The following RAC1 variants were observed in gnomAD, a reference collection of about 807,000 sequenced individuals.
The protein encoded by RAC1 is ras-related C3 botulinum toxin substrate 1.
In RAC1, 2 loss-of-function variants were observed where a neutral mutation model predicts 25.2. The observed-to-expected ratio is 0.08, with a 90% confidence interval of 0.03 to 0.25. The LOEUF is 0.25. Ranked by LOEUF, RAC1 falls within the 10% of genes least tolerant of loss-of-function variation. RAC1 has a pLI of 1.00. For synonymous variants in RAC1, 88 were observed against 94.0 expected (o/e 0.94, Z 0.37); for missense variants, 50 against 235.7 (o/e 0.21, Z 5.16).
intron 2 of RAC1, 86 bp downstream of exon 2, chr7:6,387,369 T>A (rs1285633155): frequency 1.1e-6 from 1 of 935,942 alleles, no homozygotes; most frequent in African/African-American, 1.7e-5. Context: ...AAGCCATCTT[T>A]AATCCTCATA....
chr7:6,390,173 C>T (rs564544483), intron 2 of RAC1, among the ~76,000 whole-genome samples: 2 of 146,334 alleles, frequency 1.4e-5, no homozygotes, highest in Non-Finnish European at 3.0e-5. Flanking sequence ...GTCCTTCCAC[C>T]TCAGCCTATT....
intron 3 of RAC1, among the ~76,000 whole-genome samples, chr7:6,394,954 A>G (rs1014161865): frequency 1.9e-4 from 29 of 152,206 alleles, no homozygotes; most frequent in African/African-American, 7.0e-4. Flanking sequence ...TCCTGGGTTC[A>G]CGCCATTCTC....
At chr7:6,376,678 T>G (rs927461720) in intron 1 of RAC1, among the ~76,000 whole-genome samples, 6 of 148,814 alleles carry the variant, frequency 4.0e-5, no homozygotes, top group South Asian at 2.1e-4. Context: ...ATTTGTTTTT[T>G]TTTTTTTTTT....
intron 3 of RAC1, chr7:6,398,803 C>A (rs369189453): frequency 1.6e-6 from 2 of 1,263,190 alleles, no homozygotes; most frequent in African/African-American, 1.5e-5. Context: ...TTTTATTAAG[C>A]CTCAAGCTCC....
In RAC1 at chr7:6,378,341, C is replaced by T. The variant is rs570231508; in HGVS notation, c.35+3571C>T. Among the ~76,000 whole-genome samples the T allele has an allele frequency of 1.0e-4, 15 of 150,180 alleles. 1 individual carries two copies. The South Asian group carries it at 1.3e-3, about 13-fold the overall frequency. On this transcript the variant is annotated intron_variant, in intron 1 of 5. Transcript: ENST00000348035. ...CAGGCGGATCACCTGAGGTCAGGAG[C>T]TCGAGACCAGCCTGGCCAACATGGC...
At chr7:6,402,241 C>T (rs2115217997) in intron 5 of RAC1, 75 bp from the exon 6 acceptor site, 1 of 1,526,202 alleles carries the variant, frequency 6.6e-7, no homozygotes, top group South Asian at 1.3e-5. Context: ...GCCCCAGGAG[C>T]TGCCTCCCGC....
chr7:6,378,486 C>G (rs1043164091), intron 1 of RAC1, among the ~76,000 whole-genome samples: 1 of 151,826 alleles, frequency 6.6e-6, no homozygotes. Context: ...GCGGAAGTTG[C>G]AGTGAGCTGA....
chr7:6,386,035 TC>T (rs1157976136), intron 1 of RAC1, among the ~76,000 whole-genome samples: 9 of 152,300 alleles, frequency 5.9e-5, no homozygotes, highest in Admixed American at 5.9e-4. Flanking sequence ...TGAAAAACAT[TC>T]CAGGTGGTTG....
In RAC1 at chr7:6,403,129, C is replaced by T. The variant is rs774560309; in HGVS notation, c.*683C>T. On this transcript the variant is annotated 3_prime_UTR_variant, in exon 6 of 6. Transcript: ENST00000348035. ...GAATTCTGTTTAGCTGTGGGTGTGC[C>T]GGGTGGGGTGTGTGTGATCAAAGGA... 15 of 213,800 alleles carry T rather than the reference C, an allele frequency of 7.0e-5. No individual in the cohort carries two copies. The highest frequency in any genetic ancestry group is 1.8e-4 in the African/African-American group (8 of 44,128). 13.2% of individuals were successfully genotyped at this position (213,800 alleles called of 1,614,324 possible). A position where few individuals can be genotyped will look rare whatever the true frequency, so the allele number is the denominator to read the frequency against.
intron 2 of RAC1, among the ~76,000 whole-genome samples, chr7:6,389,603 C>G (rs1376283636): frequency 1.3e-5 from 2 of 152,030 alleles, no homozygotes; most frequent in Non-Finnish European, 2.9e-5. Flanking sequence ...TTGCTTGAAC[C>G]TGGGAGGTGG....
At chr7:6,400,042 C>T in intron 3 of RAC1, 84 bp from the exon 4 acceptor site, 3 of 1,244,618 alleles carry the variant, frequency 2.4e-6, no homozygotes, top group Non-Finnish European at 3.6e-6. Context: ...CCAACAAGTC[C>T]TTCCCAGCAA....
chr7:6,398,522 A>C (rs1231986581), intron 3 of RAC1: 1 of 665,256 alleles, frequency 1.5e-6, no homozygotes, highest in Non-Finnish European at 2.6e-6. Flanking sequence ...CATCGAAGAT[A>C]TGTTAGAATC....
chr7:6,397,536 A>G (rs566757144), intron 3 of RAC1, among the ~76,000 whole-genome samples: 1 of 152,174 alleles, frequency 6.6e-6, no homozygotes, highest in East Asian at 2.0e-4. Context: ...CTCGTGATCC[A>G]CCTGCCTCGG....
intron 2 of RAC1, among the ~76,000 whole-genome samples, chr7:6,388,346 CTTTTT>C (rs71008389): frequency 1.6e-5 from 2 of 121,820 alleles, no homozygotes; most frequent in Non-Finnish European, 3.4e-5. Flanking sequence ...TGTTGTTTTC[CTTTTT>C]TTTTTTTTTT....
At chr7:6,377,445 T>C (rs836491) in intron 1 of RAC1, among the ~76,000 whole-genome samples, 10,109 of 151,880 alleles carry the variant, frequency 0.067, 838 homozygotes, top group African/African-American at 0.19. Flanking sequence ...AATACAAAAA[T>C]TAGCTAGGTG....
At chr7:6,385,634 A>G (rs1303414468) in intron 1 of RAC1, among the ~76,000 whole-genome samples, 2 of 152,164 alleles carry the variant, frequency 1.3e-5, no homozygotes, top group African/African-American at 4.8e-5. Flanking sequence ...AAGTCTTTGG[A>G]ATGGGGAGTT....
chr7:6,390,419 G>A (rs34466632), intron 2 of RAC1, among the ~76,000 whole-genome samples: 3,351 of 151,866 alleles, frequency 0.022, 56 homozygotes, highest in Non-Finnish European at 0.037. Context: ...GATCAACATG[G>A]TGAAACCCCA....
intron 1 of RAC1, among the ~76,000 whole-genome samples, chr7:6,382,724 T>C (rs1019761451): frequency 6.6e-6 from 1 of 152,052 alleles, no homozygotes; most frequent in Non-Finnish European, 1.5e-5. Flanking sequence ...CAAAAAAAAA[T>C]TAGCTGGATG....
At chr7:6,393,796 G>T (rs1011739512) in intron 3 of RAC1, among the ~76,000 whole-genome samples, 1 of 152,274 alleles carries the variant, frequency 6.6e-6, no homozygotes, top group South Asian at 2.1e-4. Context: ...TGAGCCGGGC[G>T]CTTAAGGAGC....
Sources: allele counts gnomAD v4.1 joint callset (sites outside exome capture counted in the v4.1 genomes callset), GRCh38; gene constraint gnomAD v4.1.1; transcripts MANE v1.5; gene names NCBI Gene and HGNC (gene_info 2026-07-23, HGNC 2026-07-21).